Variants in KCNH8 observed in about 807,000 individuals in gnomAD.
KCNH8 encodes potassium voltage-gated channel subfamily H member 8, also known as voltage-gated delayed rectifier potassium channel KCNH8.
A neutral mutation model predicts 103.6 loss-of-function variants in KCNH8; 70 were observed. The ratio of observed to expected loss-of-function variants is 0.68; its 90% confidence interval spans 0.56 to 0.82. The LOEUF (loss-of-function observed/expected upper bound fraction) is 0.82, where lower values mean the gene tolerates loss of function less well. KCNH8 is among the 40% of genes least tolerant of loss of function. KCNH8 has a pLI of 0.00. For missense variants in KCNH8, 1,217 were observed against 1,329.9 expected, an observed-to-expected ratio of 0.92 and a Z score of 1.32; for synonymous variants, 498 against 489.4, an observed-to-expected ratio of 1.02 and a Z score of -0.23.
At chr3:19,255,755 A>AT (rs139731491) in intron 2 of KCNH8, among the ~76,000 whole-genome samples, 2,256 of 152,280 alleles carry the variant, frequency 0.015, 20 homozygotes, top group Non-Finnish European at 0.024. Context: ...TAAAAAAAAA[A>AT]GATAGTTCCA....
intron 7 of KCNH8, among the ~76,000 whole-genome samples, chr3:19,404,381 G>C (rs772536421): frequency 1.3e-5 from 2 of 151,966 alleles, no homozygotes; most frequent in Non-Finnish European, 2.9e-5. Flanking sequence ...CTTGGACCTA[G>C]ATTTTAGAAG....
intron 3 of KCNH8, among the ~76,000 whole-genome samples, chr3:19,290,391 A>G (rs1460453913): frequency 1.3e-5 from 2 of 152,192 alleles, no homozygotes; most frequent in East Asian, 1.9e-4. Context: ...TTTGTCATAT[A>G]TAGCTCTTAT....
intron 8 of KCNH8, among the ~76,000 whole-genome samples, chr3:19,438,619 G>T (rs1490281207): frequency 6.6e-6 from 1 of 152,154 alleles, no homozygotes; most frequent in Non-Finnish European, 1.5e-5. Context: ...CTCCTCTTAT[G>T]TAGAATCATT....
chr3:19,419,325 G>A (rs1234744824), intron 7 of KCNH8, among the ~76,000 whole-genome samples: 1 of 147,876 alleles, frequency 6.8e-6, no homozygotes, highest in Non-Finnish European at 1.5e-5. Flanking sequence ...TCAGCCTCCC[G>A]AGTAGCTGGG....
rs751189410 is a variant in KCNH8 at position 19,346,699 on chromosome 3, A to G, written c.571-1026A>G. On this transcript the variant is annotated intron_variant, in intron 4 of 15. Transcript: ENST00000328405. ...ATCACATTAATCTGCCCTTCCCTCAATGAGTGAGACAAGAACACAACATTG... is the reference window on the plus strand; with the variant it reads ...ATCACATTAATCTGCCCTTCCCTCAGTGAGTGAGACAAGAACACAACATTG... 1.8e-5 allele frequency: 8 copies of G among 456,212 alleles called. 1 individual carries two copies. The highest frequency in any genetic ancestry group is 7.7e-5 in the South Asian group (5 of 64,528). The allele number at this position is 456,212 out of a possible 1,614,324, so 28.3% of individuals were successfully genotyped here. A position where few individuals can be genotyped will look rare whatever the true frequency, so the allele number is the denominator to read the frequency against.
intron 1 of KCNH8, among the ~76,000 whole-genome samples, chr3:19,212,359 C>G (rs77210453): frequency 5.9e-5 from 9 of 152,140 alleles, no homozygotes; most frequent in Non-Finnish European, 1.0e-4. Flanking sequence ...CCTGGCAACT[C>G]TCTTGATCTT....
At chr3:19,275,395 C>A (rs2064654304) in intron 2 of KCNH8, among the ~76,000 whole-genome samples, 1 of 151,940 alleles carries the variant, frequency 6.6e-6, no homozygotes, top group Admixed American at 6.6e-5. Context: ...CCTGTCTACC[C>A]CCCACGCTGC....
At chr3:19,345,787 T>G (rs1239017518) in intron 4 of KCNH8, among the ~76,000 whole-genome samples, 2 of 152,068 alleles carry the variant, frequency 1.3e-5, no homozygotes, top group Admixed American at 1.3e-4. Context: ...AAAATTTAAA[T>G]CTAATCTCAA....
intron 1 of KCNH8, among the ~76,000 whole-genome samples, chr3:19,238,793 T>C (rs78837768): frequency 0.014 from 2,135 of 152,316 alleles, 54 homozygotes; most frequent in African/African-American, 0.049. Flanking sequence ...TGTTGAAAAT[T>C]ATAGAATTTG....
At chr3:19,163,994 T>C (rs1231491813) in intron 1 of KCNH8, among the ~76,000 whole-genome samples, 1 of 152,216 alleles carries the variant, frequency 6.6e-6, no homozygotes, top group East Asian at 1.9e-4. Context: ...AGCAGGCTAT[T>C]GGTAGTTAAA....
chr3:19,195,220 C>T (rs748232121), intron 1 of KCNH8, among the ~76,000 whole-genome samples: 1 of 151,848 alleles, frequency 6.6e-6, no homozygotes, highest in Non-Finnish European at 1.5e-5. Context: ...TGTGCCCTAA[C>T]CCCTGTTCCA....
chr3:19,371,413 G>A (rs2066093257), intron 5 of KCNH8, among the ~76,000 whole-genome samples: 2 of 151,268 alleles, frequency 1.3e-5, no homozygotes, highest in African/African-American at 4.8e-5. Flanking sequence ...GTCTTCTTTT[G>A]AGAAGTGTCT....
chr3:19,315,224 A>G (rs1258416349), intron 3 of KCNH8, among the ~76,000 whole-genome samples: 1 of 151,978 alleles, frequency 6.6e-6, no homozygotes. Context: ...AAAGAAAATG[A>G]AGGTTCTATT....
chr3:19,403,395 TATATAAAATC>T (rs1224624326), intron 7 of KCNH8, among the ~76,000 whole-genome samples: 28 of 109,246 alleles, frequency 2.6e-4, no homozygotes, highest in South Asian at 2.3e-3. Context: ...TATATATATA[TATATAAAATC>T]CTTCTGTTTA....
At chr3:19,473,559 C>T (rs1265022702) in intron 11 of KCNH8, among the ~76,000 whole-genome samples, 1 of 152,150 alleles carries the variant, frequency 6.6e-6, no homozygotes, top group Non-Finnish European at 1.5e-5. Flanking sequence ...TCCCTTGCTC[C>T]ATCTTTAAGA....
At chr3:19,326,691 G>C (rs1208241817) in intron 3 of KCNH8, among the ~76,000 whole-genome samples, 2 of 152,094 alleles carry the variant, frequency 1.3e-5, no homozygotes, top group African/African-American at 4.8e-5. Context: ...CTACCCTCCT[G>C]CTATGCCTGT....
intron 5 of KCNH8, among the ~76,000 whole-genome samples, chr3:19,366,202 A>G (rs1468628253): frequency 6.6e-6 from 1 of 151,998 alleles, no homozygotes; most frequent in Non-Finnish European, 1.5e-5. Flanking sequence ...GCTTAATTTG[A>G]TGGAGTAATT....
chr3:19,439,387 T>C (rs1479393179), intron 8 of KCNH8, among the ~76,000 whole-genome samples: 1 of 152,194 alleles, frequency 6.6e-6, no homozygotes, highest in Non-Finnish European at 1.5e-5. Context: ...TTCATAAATA[T>C]ACATAAAGTC....
At chr3:19,477,254 T>C (rs969464528) in intron 11 of KCNH8, among the ~76,000 whole-genome samples, 2 of 152,144 alleles carry the variant, frequency 1.3e-5, no homozygotes, top group Non-Finnish European at 2.9e-5. Flanking sequence ...AAATGACTGA[T>C]GTAAAATATC....
Sources: gnomAD v4.1 joint callset for allele counts (sites outside exome capture counted in the v4.1 genomes callset) on GRCh38, gnomAD v4.1.1 for gene constraint, MANE v1.5 for transcripts, NCBI Gene and HGNC (gene_info 2026-07-23, HGNC 2026-07-21) for gene names.